The following SYNC variants were observed in gnomAD, a reference collection of about 807,000 sequenced individuals.
SYNC encodes the protein syncoilin, intermediate filament protein.
A neutral mutation model predicts 49.5 loss-of-function variants in SYNC; 38 were observed. That is an observed-to-expected ratio of 0.77 (90% CI 0.59 to 1.01). The LOEUF is 1.01. SYNC is among the 50% of genes least tolerant of loss of function. The pLI is 0.00. For synonymous variants in SYNC, 201 were observed against 230.8 expected (o/e 0.87, Z 1.17); for missense variants, 579 against 580.6 (o/e 1.00, Z 0.03).
At chr1:32,687,779 T>G (rs947988392) in intron 2 of SYNC, among the ~76,000 whole-genome samples, 5 of 151,308 alleles carry the variant, frequency 3.3e-5, no homozygotes, top group Non-Finnish European at 7.4e-5. Context: ...GTTTCCATGC[T>G]TTTGTATGAG....
At chr1:32,696,956 C>A (rs1163630049) in intron 1 of SYNC, among the ~76,000 whole-genome samples, 1 of 151,472 alleles carries the variant, frequency 6.6e-6, no homozygotes, top group Admixed American at 6.6e-5. Context: ...CCATGTTGGC[C>A]AGGCTGGTCT....
Position 32,695,324 on chromosome 1 carries a change from G to A in SYNC, c.774C>T (p.Tyr258=). The change falls in exon 2 of 5, where the codon TAC becomes TAT. Residue 258 remains tyrosine, a synonymous_variant. Coordinates refer to ENST00000409190, the MANE Select transcript of SYNC (RefSeq NM_030786.3). The stretch of plus-strand genomic sequence containing the variant: ...CGTCCTGCTGGCGGCACTCCAGCTG[G>A]TATTGGTAGGCCACACATTCCTTTG... ...KVTKECVAYQ[Y]QLECRQQDVA... is the part of the protein sequence containing the mutation. 6.4e-7 allele frequency: 1 copy of A among 1,551,696 alleles called. No individual in the cohort carries two copies. Among genetic ancestry groups the A allele is most frequent in the Non-Finnish European group, 8.7e-7 (1 of 1,147,074 alleles).
chr1:32,701,108 T>A (rs1650649183), intron 1 of SYNC, among the ~76,000 whole-genome samples: 1 of 151,892 alleles, frequency 6.6e-6, no homozygotes, highest in African/African-American at 2.4e-5. Context: ...TAGAGCCGGG[T>A]TTCACCATGT....
intron 4 of SYNC, chr1:32,682,077 C>G: frequency 1.8e-6 from 1 of 543,626 alleles, no homozygotes; most frequent in Non-Finnish European, 3.3e-6. Flanking sequence ...TAACTTCTTA[C>G]AGGTATAATT....
At chr1:32,701,291 G>T (rs1019292668) in intron 1 of SYNC, among the ~76,000 whole-genome samples, 1 of 152,102 alleles carries the variant, frequency 6.6e-6, no homozygotes, top group Non-Finnish European at 1.5e-5. Context: ...CTTCCGTAAA[G>T]TATCTCCCAG....
Position 32,695,833 on chromosome 1 carries a change from T to C in SYNC, c.265A>G (p.Met89Val), listed in dbSNP as rs1650405532. 1 of 1,551,954 alleles carries C rather than the reference T, an allele frequency of 6.4e-7. No individual in the cohort carries two copies. The highest frequency in any genetic ancestry group is 1.2e-5 in the South Asian group (1 of 84,064). The change falls in exon 2 of 5, where the codon ATG becomes GTG. Residue 89 changes from methionine (M) to valine (V), a missense_variant. Transcript: ENST00000409190. ...ACATGCAGAGCCTCATCTGGCTGCA[T>C]GGCCTCCTCAATATACAGGGCCTCC... ...AEEALYIEEA[M>V]QPDEALHVEE...
intron 2 of SYNC, chr1:32,684,593 C>T (rs1198686809): frequency 4.3e-5 from 27 of 634,746 alleles, no homozygotes; most frequent in Non-Finnish European, 6.7e-5. Flanking sequence ...ACGAAAAAGG[C>T]ATCTTGTCTG....
Position 32,691,554 on chromosome 1 carries a change from G to GA in SYNC, c.1233+3310dup, listed in dbSNP as rs1211844978. 8.5e-4 allele frequency among the ~76,000 whole-genome samples: 29 copies of GA among 34,090 alleles called. 1 individual carries two copies. Among genetic ancestry groups the GA allele is most frequent in the African/African-American group, 1.2e-3 (24 of 20,044 alleles). 22.4% of individuals were successfully genotyped at this position (34,090 alleles called of 152,430 possible). A position where few individuals can be genotyped will look rare whatever the true frequency, so the allele number is the denominator to read the frequency against. ...GGTGACAGAGGGAGACTCCATCTCA[G>GA]AAAAAAAAAAAAAAGTAGCAAGGCA... On this transcript the variant is annotated intron_variant, in intron 2 of 4. Transcript: ENST00000409190.
At chr1:32,682,023 G>C in intron 4 of SYNC, 163 bp from the exon 5 acceptor site, 1 of 623,978 alleles carries the variant, frequency 1.6e-6, no homozygotes, top group South Asian at 2.0e-5. Flanking sequence ...AGAATGAATG[G>C]TGATGGTGAT....
Position 32,702,647 on chromosome 1 carries a change from TCCGGGCTGGCCATGGCTGCGCGACC to T in SYNC, c.-12_13del, listed in dbSNP as rs1056156278. ...GGCGCCGTCCCCGCCGCGCCGGGGC[TCCGGGCTGGCCATGGCTGCGCGACC>T]CCGGGCTGGCGGCCGCGTTATTAAT... On this transcript the variant is annotated start_lost and 5_prime_UTR_variant, in exon 1 of 5. Transcript: ENST00000409190. The surrounding 1 kb of genome is among the most constrained non-coding windows in gnomAD (Gnocchi z 6.2). 47 of 1,208,728 alleles carry T rather than the reference TCCGGGCTGGCCATGGCTGCGCGACC, an allele frequency of 3.9e-5. No individual in the cohort carries two copies. Among genetic ancestry groups the T allele is most frequent in the Non-Finnish European group, 4.5e-5 (44 of 973,670 alleles). The allele number at this position is 1,208,728 out of a possible 1,614,324, so 74.9% of individuals were successfully genotyped here.
At chr1:32,691,956 G>A (rs1392437897) in intron 2 of SYNC, among the ~76,000 whole-genome samples, 1 of 152,076 alleles carries the variant, frequency 6.6e-6, no homozygotes, top group South Asian at 2.1e-4. Flanking sequence ...TATCCCGGCC[G>A]GGCGCAGTGG....
In SYNC at chr1:32,702,536, G is replaced by A. The variant is rs1650707100; in HGVS notation, c.53+72C>T. ...GACAGGCGAAAGACGCCCGCGGTCGGGGGGAAAGGGAACCCGTCCAGCAGC... is the reference window on the plus strand; with the variant it reads ...GACAGGCGAAAGACGCCCGCGGTCGAGGGGAAAGGGAACCCGTCCAGCAGC... On this transcript the variant is annotated intron_variant, in intron 1 of 4. Coordinates refer to ENST00000409190, the MANE Select transcript of SYNC (RefSeq NM_030786.3). The surrounding 1 kb of genome is among the most constrained non-coding windows in gnomAD (Gnocchi z 6.2). The A allele has an allele frequency of 8.3e-7, 1 of 1,198,104 alleles. No homozygotes were observed. The highest frequency in any genetic ancestry group is 3.0e-4 in the Middle Eastern group (1 of 3,338). 74.2% of individuals were successfully genotyped at this position (1,198,104 alleles called of 1,614,324 possible).
rs191714332 is a variant in SYNC at position 32,690,649 on chromosome 1, A to G, written c.1233+4216T>C. ...ACAGAGCAAGACTCCATCTCCAAAG[A>G]AAAAAAAAAAAAAAAGTAGAGAGGC... On this transcript the variant is annotated intron_variant, in intron 2 of 4. Coordinates refer to ENST00000409190, the MANE Select transcript of SYNC (RefSeq NM_030786.3). Among the ~76,000 whole-genome samples the G allele has an allele frequency of 1.3e-3, 175 of 138,874 alleles. 2 individuals carry two copies. The East Asian group carries it at 0.021, about 17-fold the overall frequency. 91.1% of individuals were successfully genotyped at this position (138,874 alleles called of 152,430 possible).
rs917018071 is a variant in SYNC at position 32,681,182 on chromosome 1, A to G, written c.*668T>C. On this transcript the variant is annotated 3_prime_UTR_variant, in exon 5 of 5. Transcript: ENST00000409190. ...GAGTAGATCATTCTGACCCAGAACT[A>G]CTTTCATGAGGTAAGATCTTTGGGA... The G allele has an allele frequency of 6.6e-6, 1 of 152,452 alleles. No individual in the cohort carries two copies. The highest frequency in any genetic ancestry group is 6.5e-5 in the Admixed American group (1 of 15,280). 9.4% of individuals were successfully genotyped at this position (152,452 alleles called of 1,614,324 possible).
chr1:32,698,758 C>T (rs1650548153), intron 1 of SYNC, among the ~76,000 whole-genome samples: 1 of 151,604 alleles, frequency 6.6e-6, no homozygotes, highest in African/African-American at 2.4e-5. Flanking sequence ...TTTGGTCTTT[C>T]CTGTTTCTGT....
chr1:32,682,112 C>G (rs1365905651), intron 4 of SYNC: 2 of 484,536 alleles, frequency 4.1e-6, no homozygotes, highest in Non-Finnish European at 7.4e-6. Flanking sequence ...TCTGTAGTTT[C>G]ATTTCTTTGG....
chr1:32,695,873 C>CT lies in SYNC; in HGVS notation c.224dup (p.Thr76AspfsTer2). 6.4e-7 allele frequency: 1 copy of CT among 1,552,118 alleles called. No individual in the cohort carries two copies. Among genetic ancestry groups the CT allele is most frequent in the South Asian group, 1.2e-5 (1 of 84,052 alleles). On this transcript the variant is annotated frameshift_variant, in exon 2 of 5. Coordinates refer to ENST00000409190, the MANE Select transcript of SYNC (RefSeq NM_030786.3). LOFTEE classifies it high-confidence loss of function. ...ACAGGGCCTCCTCTGCCTTCTCAGT[C>CT]TCTTGCACATAGAGTGTCTCATCAA...
Position 32,695,147 on chromosome 1 carries a change from A to T in SYNC, c.951T>A (p.Phe317Leu), listed in dbSNP as rs374175543. ...CAGAGAGTCGCCGGCTTTCCTGGAGAAAGTGCCCATCCCTCTGGCTTGGAG... is the reference window on the plus strand; with the variant it reads ...CAGAGAGTCGCCGGCTTTCCTGGAGTAAGTGCCCATCCCTCTGGCTTGGAG... The part of the protein sequence containing the change: ...EAPPSQRDGH[F>L]LQESRRLSAQ... The change falls in exon 2 of 5, where the codon TTT becomes TTA. Residue 317 changes from phenylalanine to leucine, a missense_variant. By Grantham distance (22) the Phe-to-Leu change is conservative (BLOSUM62 0). Coordinates refer to ENST00000409190, the MANE Select transcript of SYNC (RefSeq NM_030786.3). 1.2e-4 allele frequency: 193 copies of T among 1,604,040 alleles called. No homozygotes were observed. Among genetic ancestry groups the T allele is most frequent in the Non-Finnish European group, 1.6e-4 (185 of 1,175,454 alleles).
At chr1:32,696,793 C>T (rs1650452151) in intron 1 of SYNC, among the ~76,000 whole-genome samples, 1 of 149,410 alleles carries the variant, frequency 6.7e-6, no homozygotes, top group African/African-American at 2.5e-5. Flanking sequence ...TTCCTTATAA[C>T]TTTTTTTTTT....
Sources: gnomAD v4.1 joint callset for allele counts (sites outside exome capture counted in the v4.1 genomes callset) on GRCh38, gnomAD v4.1.1 for gene constraint, Gnocchi (gnomAD v3.1) non-coding constraint, MANE v1.5 for transcripts, NCBI Gene and HGNC (gene_info 2026-07-23, HGNC 2026-07-21) for gene names.